Variants in ABCB10 observed in about 807,000 individuals in gnomAD.
ABCB10 encodes ATP binding cassette subfamily B member 10, also known as ATP-binding cassette sub-family B member 10, mitochondrial.
In ABCB10, 54 loss-of-function variants were observed where a neutral mutation model predicts 65.4. The observed-to-expected ratio is 0.83, with a 90% CI of 0.66 to 1.04. The LOEUF is 1.04. Among genes scored for constraint, ABCB10 ranks in the 50% least tolerant of loss-of-function variants. ABCB10 has a pLI of 0.00. For missense variants in ABCB10, 846 were observed against 976.6 expected (o/e 0.87, Z 1.78); for synonymous variants, 418 against 406.5 (o/e 1.03, Z -0.34).
chr1:229,527,582 G>C (rs992958533), intron 8 of ABCB10, among the ~76,000 whole-genome samples: 13 of 152,318 alleles, frequency 8.5e-5, no homozygotes, highest in African/African-American at 2.9e-4. Context: ...TCCGGAGGTT[G>C]TAGGGAGTTT....
chr1:229,553,302 G>A (rs1463309888), intron 1 of ABCB10, among the ~76,000 whole-genome samples: 1 of 152,090 alleles, frequency 6.6e-6, no homozygotes, highest in East Asian at 1.9e-4. Context: ...TAGAGATGAG[G>A]TTTCTCCATG....
chr1:229,557,430 T>A (rs1397168987), intron 1 of ABCB10, among the ~76,000 whole-genome samples: 1 of 152,198 alleles, frequency 6.6e-6, no homozygotes, highest in African/African-American at 2.4e-5. Flanking sequence ...AGTGAAGATT[T>A]AGAGAAATCG....
At chr1:229,543,057 G>A (rs529206603) in intron 3 of ABCB10, among the ~76,000 whole-genome samples, 1 of 151,648 alleles carries the variant, frequency 6.6e-6, no homozygotes, top group Non-Finnish European at 1.5e-5. Context: ...CTTGAACCCG[G>A]GAGGTGGAGG....
At chr1:229,529,224 C>T (rs140801109) in intron 8 of ABCB10, among the ~76,000 whole-genome samples, 3 of 120,276 alleles carry the variant, frequency 2.5e-5, no homozygotes, top group South Asian at 5.8e-4. Flanking sequence ...ACCCGGGAGG[C>T]GGAGCTTGCA....
chr1:229,557,227 C>T (rs6687075), intron 1 of ABCB10, among the ~76,000 whole-genome samples: 4,278 of 137,212 alleles, frequency 0.031, 196 homozygotes, highest in African/African-American at 0.12. Flanking sequence ...ACCTGACAAC[C>T]TCACAGGCCC....
intron 11 of ABCB10, among the ~76,000 whole-genome samples, chr1:229,521,291 T>C (rs1025354225): frequency 6.6e-6 from 1 of 152,194 alleles, no homozygotes. Context: ...TTTGCATTAA[T>C]AATCACTGTT....
intron 9 of ABCB10, 73 bp from the exon 10 acceptor site, chr1:229,526,189 C>A (rs1662440839): frequency 1.4e-6 from 2 of 1,420,000 alleles, no homozygotes; most frequent in Non-Finnish European, 1.9e-6. Context: ...TTAGACCTAG[C>A]AGTCTTTTTT....
chr1:229,551,723 T>C (rs1192144649), intron 1 of ABCB10, among the ~76,000 whole-genome samples: 5 of 152,226 alleles, frequency 3.3e-5, no homozygotes, highest in Non-Finnish European at 7.3e-5. Flanking sequence ...CCAAAGGGGC[T>C]TGAAGGCCCA....
At chr1:229,533,675 A>G (rs1662639163) in intron 6 of ABCB10, among the ~76,000 whole-genome samples, 1 of 152,256 alleles carries the variant, frequency 6.6e-6, no homozygotes, top group Non-Finnish European at 1.5e-5. Flanking sequence ...ATGGAGATGC[A>G]ACGGCAATAT....
At position 229,527,178 on chromosome 1, in the gene ABCB10, A is replaced by C. The variant is rs764526846; in HGVS notation, c.1725+51T>G. ...ACAAAAAAAAAAAAAAGCAAAAGAC[A>C]AAAGTAATTTTAAAAGAAAGTGAAA... On this transcript the variant is annotated intron_variant, in intron 9 of 12. Transcript: ENST00000344517. 35 of 1,535,360 alleles carry C rather than the reference A, an allele frequency of 2.3e-5. 1 individual carries two copies. Among genetic ancestry groups the C allele is most frequent in the Non-Finnish European group, 1.9e-5 (21 of 1,127,870 alleles).
chr1:229,535,185 A>G (rs760379370), intron 6 of ABCB10: 2 of 152,092 alleles, frequency 1.3e-5, no homozygotes, highest in South Asian at 2.1e-4. Flanking sequence ...CCACTGTGCT[A>G]AGCTAAACAT....
At chr1:229,544,988 CAG>C (rs1280359113) in intron 3 of ABCB10, among the ~76,000 whole-genome samples, 1 of 151,974 alleles carries the variant, frequency 6.6e-6, no homozygotes, top group Non-Finnish European at 1.5e-5. Context: ...GAAAAGGCCT[CAG>C]AATGAAACTA....
chr1:229,558,550 G>A lies in ABCB10; in HGVS notation c.103C>T (p.Arg35Cys), dbSNP rs1333104531. The change falls in exon 1 of 13, where the codon CGC (arginine) becomes TGC (cysteine). Residue 35 changes from arginine to cysteine, a missense_variant. Arg to Cys is a radical substitution (Grantham distance 180). Coordinates refer to ENST00000344517, the MANE Select transcript of ABCB10 (RefSeq NM_012089.3). ...AACGGCGATAGGGACCCGGGAACGC[G>A]GCTGGCCGCGGCCCACACGCAGGCT... ...PVACVWAAAS[R>C]VPGSLSPFTG... is the part of the protein sequence containing the mutation. The A allele has an allele frequency of 1.4e-6, 2 of 1,441,682 alleles. No homozygotes were observed. Among genetic ancestry groups the A allele is most frequent in the Non-Finnish European group, 1.8e-6 (2 of 1,098,732 alleles). 89.3% of individuals were successfully genotyped at this position (1,441,682 alleles called of 1,614,324 possible).
At chr1:229,547,078 A>G (rs992788339) in intron 3 of ABCB10, among the ~76,000 whole-genome samples, 6 of 152,144 alleles carry the variant, frequency 3.9e-5, no homozygotes, top group African/African-American at 1.4e-4. Context: ...CCAGTTAAGG[A>G]AAGGAAAAAA....
At chr1:229,547,868 C>G (rs1315347681) in intron 2 of ABCB10, among the ~76,000 whole-genome samples, 167 bp from the exon 3 acceptor site, 1 of 152,160 alleles carries the variant, frequency 6.6e-6, no homozygotes, top group East Asian at 1.9e-4. Flanking sequence ...AAGAGACTTT[C>G]CCAAACCAGG....
intron 7 of ABCB10, 43 bp downstream of exon 7, chr1:229,531,593 C>T: frequency 6.3e-7 from 1 of 1,581,626 alleles, no homozygotes; most frequent in African/African-American, 1.3e-5. Context: ...TTGTTCAAAG[C>T]CACATTTGTT....
chr1:229,534,732 G>A (rs113662515), intron 6 of ABCB10, among the ~76,000 whole-genome samples: 4,397 of 151,784 alleles, frequency 0.029, 118 homozygotes, highest in African/African-American at 0.075. Flanking sequence ...ATAGCTGGAC[G>A]CAGTGGCACG....
At chr1:229,542,404 T>C in intron 3 of ABCB10, 33 bp from the exon 4 acceptor site, 2 of 1,603,072 alleles carry the variant, frequency 1.2e-6, no homozygotes. Context: ...CAGAGGTGTT[T>C]GTTACATTGG....
chr1:229,540,060 T>C (rs1662807779), intron 5 of ABCB10, among the ~76,000 whole-genome samples: 1 of 150,414 alleles, frequency 6.6e-6, no homozygotes, highest in African/African-American at 2.5e-5. Flanking sequence ...CTGCTCCTTA[T>C]CTGTTAATCA....
Sources: allele counts gnomAD v4.1 joint callset (sites outside exome capture counted in the v4.1 genomes callset), GRCh38; gene constraint gnomAD v4.1.1; transcripts MANE v1.5; gene names NCBI Gene and HGNC (gene_info 2026-07-23, HGNC 2026-07-21).